The following CCDC175 variants were observed in gnomAD, a reference collection of about 807,000 sequenced individuals.
The protein encoded by CCDC175 is coiled-coil domain containing 175.
In CCDC175, 100 loss-of-function variants were observed where a neutral mutation model predicts 114.6. The ratio of observed to expected loss-of-function variants is 0.87; its 90% CI spans 0.74 to 1.03. CCDC175 has a LOEUF of 1.03. CCDC175 is among the 50% of genes least tolerant of loss of function. The pLI is 0.00. For missense variants in CCDC175, 880 were observed against 917.8 expected (o/e 0.96, Z 0.53); for synonymous variants, 306 against 308.7 (o/e 0.99, Z 0.09).
intron 7 of CCDC175, among the ~76,000 whole-genome samples, chr14:59,557,067 A>G (rs1895943231): frequency 1.3e-5 from 2 of 152,228 alleles, no homozygotes; most frequent in African/African-American, 4.8e-5. Flanking sequence ...GCGATTGCTC[A>G]GGGATCTAGA....
intron 17 of CCDC175, among the ~76,000 whole-genome samples, chr14:59,513,005 T>C (rs1262531056): frequency 2.6e-5 from 4 of 152,196 alleles, no homozygotes; most frequent in African/African-American, 7.2e-5. Context: ...GGTATAAAGT[T>C]AGGCATTTAG....
intron 8 of CCDC175, among the ~76,000 whole-genome samples, chr14:59,550,536 G>A (rs1895402465): frequency 6.6e-6 from 1 of 151,992 alleles, no homozygotes; most frequent in Non-Finnish European, 1.5e-5. Context: ...GGGTTCTCTA[G>A]AGGGACAGAA....
intron 4 of CCDC175, 31 bp downstream of exon 4, chr14:59,568,214 T>C: frequency 6.6e-7 from 1 of 1,508,538 alleles, no homozygotes; most frequent in Non-Finnish European, 8.8e-7. Flanking sequence ...AGACCCCTGC[T>C]CCCTCAAATA....
intron 19 of CCDC175, among the ~76,000 whole-genome samples, chr14:59,507,893 C>T (rs1566589246): frequency 6.6e-6 from 1 of 152,204 alleles, no homozygotes; most frequent in African/African-American, 2.4e-5. Flanking sequence ...ACCAACTCAG[C>T]ATTCCGCTGG....
At chr14:59,520,987 A>T (rs1893398250) in intron 17 of CCDC175, among the ~76,000 whole-genome samples, 1 of 152,198 alleles carries the variant, frequency 6.6e-6, no homozygotes, top group Non-Finnish European at 1.5e-5. Context: ...CAAATCAATA[A>T]ACTGGATTTA....
rs867567506 is a variant in CCDC175 at position 59,555,559 on chromosome 14, C to A, written c.954-4123G>T. On this transcript the variant is annotated intron_variant, in intron 7 of 19. Transcript: ENST00000537690. Reference sequence around the variant, plus strand: ...ATTCCCTTGGAAAACTGGCACATCACAAGGATGACCTCTCTCACCACTCCT... The same window carrying A: ...ATTCCCTTGGAAAACTGGCACATCAAAAGGATGACCTCTCTCACCACTCCT... 2.6e-5 allele frequency among the ~76,000 whole-genome samples: 4 copies of A among 152,164 alleles called. No homozygotes were observed. In the East Asian group the frequency reaches 5.8e-4, roughly 22 times the overall value.
chr14:59,517,213 A>G (rs1893143572), intron 17 of CCDC175, among the ~76,000 whole-genome samples: 1 of 152,234 alleles, frequency 6.6e-6, no homozygotes, highest in Non-Finnish European at 1.5e-5. Flanking sequence ...AGCCAATATC[A>G]TACTGAATGG....
At chr14:59,557,833 T>G (rs949641572) in intron 7 of CCDC175, among the ~76,000 whole-genome samples, 8 of 152,170 alleles carry the variant, frequency 5.3e-5, no homozygotes, top group Non-Finnish European at 1.2e-4. Context: ...CGCTGCCAGA[T>G]ATGTTTCAGG....
intron 6 of CCDC175, 149 bp downstream of exon 6, chr14:59,563,588 C>T (rs1221117180): frequency 4.6e-5 from 20 of 438,046 alleles, no homozygotes; most frequent in Admixed American, 9.5e-5. Flanking sequence ...ACCACAATTG[C>T]ACCATAACGC....
chr14:59,570,806 A>G (rs1473120491), intron 3 of CCDC175, among the ~76,000 whole-genome samples: 4 of 152,170 alleles, frequency 2.6e-5, no homozygotes, highest in African/African-American at 9.7e-5. Context: ...CAGTGGCGCA[A>G]TCTTGGCTCA....
At chr14:59,551,541 G>T (rs2140072465) in intron 7 of CCDC175, 105 bp from the exon 8 acceptor site, 1 of 521,730 alleles carries the variant, frequency 1.9e-6, no homozygotes, top group South Asian at 3.1e-5. Context: ...CCCAGTGTGA[G>T]TGACACAGAA....
chr14:59,534,753 G>A (rs1894294349), intron 13 of CCDC175, among the ~76,000 whole-genome samples: 1 of 152,150 alleles, frequency 6.6e-6, no homozygotes, highest in Non-Finnish European at 1.5e-5. Flanking sequence ...ACAACGGAGG[G>A]TCCGGTATCA....
chr14:59,507,376 G>GCACTT (rs1892490108), intron 19 of CCDC175, among the ~76,000 whole-genome samples: 1 of 152,202 alleles, frequency 6.6e-6, no homozygotes, highest in African/African-American at 2.4e-5. Context: ...CACAGGGTAT[G>GCACTT]CACTTTAAGG....
At chr14:59,550,394 T>A (rs559077823) in intron 8 of CCDC175, among the ~76,000 whole-genome samples, 92 of 152,314 alleles carry the variant, frequency 6.0e-4, no homozygotes, top group African/African-American at 2.2e-3. Context: ...CACATGATTA[T>A]CTACTTATGA....
chr14:59,533,942 T>C (rs539139474), intron 13 of CCDC175, among the ~76,000 whole-genome samples: 1 of 144,420 alleles, frequency 6.9e-6, no homozygotes, highest in South Asian at 2.2e-4. Context: ...TGAGCCTAGA[T>C]CGCGCCACTG....
intron 19 of CCDC175, chr14:59,510,355 TA>T: frequency 1.1e-5 from 3 of 277,306 alleles, no homozygotes; most frequent in Non-Finnish European, 1.4e-5. Context: ...AAAAAATGTG[TA>T]AAAGAGTTTA....
At chr14:59,520,115 T>C (rs765813519) in intron 17 of CCDC175, among the ~76,000 whole-genome samples, 2 of 152,226 alleles carry the variant, frequency 1.3e-5, no homozygotes, top group Non-Finnish European at 1.5e-5. Flanking sequence ...GTGAGCAAAG[T>C]AAATAATTTG....
In CCDC175 at chr14:59,575,612, G is replaced by A. The variant is rs371522701; in HGVS notation, c.158-584C>T. Reference sequence around the variant, plus strand: ...ACAACCTCTGCCTTCTGAGTTCAACGGATTCTCCTGCCTCAGCCTCCCGAG... The same window carrying A: ...ACAACCTCTGCCTTCTGAGTTCAACAGATTCTCCTGCCTCAGCCTCCCGAG... On this transcript the variant is annotated intron_variant, in intron 1 of 19. Transcript: ENST00000537690. Among the ~76,000 whole-genome samples, 22 of 137,402 alleles carry A rather than the reference G, an allele frequency of 1.6e-4. 3 individuals are homozygous for A. The highest frequency in any genetic ancestry group is 9.4e-4 in the Admixed American group (12 of 12,768). The allele number at this position is 137,402 out of a possible 152,430, so 90.1% of individuals were successfully genotyped here. A position where few individuals can be genotyped will look rare whatever the true frequency, so the allele number is the denominator to read the frequency against.
intron 11 of CCDC175, among the ~76,000 whole-genome samples, chr14:59,539,986 G>A (rs1275616174): frequency 1.3e-5 from 2 of 151,828 alleles, no homozygotes; most frequent in African/African-American, 2.4e-5. Flanking sequence ...CATGAGAATC[G>A]CTTGAACCTG....
Sources: allele counts gnomAD v4.1 joint callset (sites outside exome capture counted in the v4.1 genomes callset), GRCh38; gene constraint gnomAD v4.1.1; transcripts MANE v1.5; gene names NCBI Gene and HGNC (gene_info 2026-07-23, HGNC 2026-07-21).